PVT1: variants seen among roughly 807,000 people sequenced by gnomAD.
PVT1 encodes the protein CXCR4/PVT1 fusion.
At position 127,980,772 on chromosome 8, in the gene PVT1, T is replaced by C. The variant is rs563295916; in HGVS notation, n.783-8390T>C. On this transcript the variant is annotated intron_variant and non_coding_transcript_variant, in intron 3 of 10. Transcript: ENST00000651587. ...AAAAATATATTTTCTCCTCTGTGAGTCACCAAAAACTACAGCTTCTTTTTT... is the reference window on the plus strand; with the variant it reads ...AAAAATATATTTTCTCCTCTGTGAGCCACCAAAAACTACAGCTTCTTTTTT... Among the ~76,000 whole-genome samples the C allele has an allele frequency of 2.0e-5, 3 of 149,958 alleles. No homozygotes were observed. In the Admixed American group the frequency reaches 2.0e-4, roughly 10 times the overall value.
chr8:127,995,793 A>G (rs772362532), intron 4 of PVT1, among the ~76,000 whole-genome samples: 57 of 152,368 alleles, frequency 3.7e-4, no homozygotes, highest in Non-Finnish European at 7.3e-4. Flanking sequence ...ACCTGCCAGG[A>G]AATGGAAATG....
intron 3 of PVT1, among the ~76,000 whole-genome samples, chr8:127,970,258 C>CATTCACAT (rs201297121): frequency 0.025 from 3,622 of 143,866 alleles, 75 homozygotes; most frequent in African/African-American, 0.042. Context: ...GTTTTGTCCG[C>CATTCACAT]ATTCACATTC....
intron 4 of PVT1, among the ~76,000 whole-genome samples, chr8:128,016,967 C>G (rs1262309968): frequency 6.6e-6 from 1 of 152,188 alleles, no homozygotes; most frequent in Non-Finnish European, 1.5e-5. Context: ...AAGAGTATGG[C>G]TTGAGCCCAG....
intron 4 of PVT1, among the ~76,000 whole-genome samples, chr8:128,005,962 A>G (rs1817241513): frequency 6.6e-6 from 1 of 151,826 alleles, no homozygotes; most frequent in African/African-American, 2.4e-5. Context: ...AATTAGCCAG[A>G]TGTGGTAGTG....
At chr8:127,931,473 G>A (rs949517035) in intron 3 of PVT1, among the ~76,000 whole-genome samples, 1 of 152,220 alleles carries the variant, frequency 6.6e-6, no homozygotes, top group Non-Finnish European at 1.5e-5. Context: ...TTTGTGCAAA[G>A]CATTGTTCTG....
chr8:128,006,581 T>C (rs1817250058), intron 4 of PVT1, among the ~76,000 whole-genome samples: 1 of 152,238 alleles, frequency 6.6e-6, no homozygotes, highest in Non-Finnish European at 1.5e-5. Context: ...TTCACCAAAC[T>C]AATTTTAGCA....
At chr8:127,795,365 A>G (rs1245437584) in intron 1 of PVT1, among the ~76,000 whole-genome samples, 1 of 152,134 alleles carries the variant, frequency 6.6e-6, no homozygotes, top group East Asian at 1.9e-4. Flanking sequence ...ACTTTCAGGA[A>G]GCACAGCCAT....
chr8:127,824,953 C>T (rs1273232953), intron 2 of PVT1, among the ~76,000 whole-genome samples: 1 of 151,906 alleles, frequency 6.6e-6, no homozygotes. Flanking sequence ...AACCGCATCT[C>T]CACTCAAAAT....
intron 2 of PVT1, among the ~76,000 whole-genome samples, chr8:127,820,948 A>T (rs1814721260): frequency 6.6e-6 from 1 of 152,076 alleles, no homozygotes; most frequent in Non-Finnish European, 1.5e-5. Flanking sequence ...GCCTCAAGTG[A>T]TCCGCCCGCC....
intron 2 of PVT1, among the ~76,000 whole-genome samples, chr8:127,882,897 T>C (rs1815484917): frequency 6.6e-6 from 1 of 152,132 alleles, no homozygotes; most frequent in South Asian, 2.1e-4. Context: ...ATTGACCGGG[T>C]CTCAGAGGTG....
At chr8:128,017,068 C>G (rs2033099) in intron 4 of PVT1, among the ~76,000 whole-genome samples, 12,223 of 152,168 alleles carry the variant, frequency 0.08, 835 homozygotes, top group East Asian at 0.22. Flanking sequence ...CAGAGAGGGG[C>G]TCTTGGAGAT....
At chr8:127,897,939 A>G (rs1815706762) in intron 3 of PVT1, among the ~76,000 whole-genome samples, 1 of 151,486 alleles carries the variant, frequency 6.6e-6, no homozygotes, top group Admixed American at 6.6e-5. Flanking sequence ...AAAGAAAGAA[A>G]GAAAAGGGAA....
chr8:127,891,563 A>T (rs1815602773), intron 3 of PVT1, among the ~76,000 whole-genome samples: 1 of 152,212 alleles, frequency 6.6e-6, no homozygotes, highest in African/African-American at 2.4e-5. Context: ...CCTGCAGTGA[A>T]GGGTTAAGTA....
At chr8:127,848,015 G>A (rs562770357) in intron 2 of PVT1, among the ~76,000 whole-genome samples, 7 of 152,210 alleles carry the variant, frequency 4.6e-5, no homozygotes, top group South Asian at 4.1e-4. Flanking sequence ...TCTTGATTGC[G>A]TATCTTTGGG....
intron 4 of PVT1, among the ~76,000 whole-genome samples, chr8:128,037,892 T>C (rs563330103): frequency 2.6e-4 from 40 of 152,254 alleles, no homozygotes; most frequent in African/African-American, 9.6e-4. Flanking sequence ...GTTCCCAACA[T>C]TTGCTATACC....
intron 2 of PVT1, among the ~76,000 whole-genome samples, chr8:127,829,906 C>T (rs1385034279): frequency 6.6e-6 from 1 of 152,200 alleles, no homozygotes; most frequent in Non-Finnish European, 1.5e-5. Context: ...ATAATCTCTT[C>T]TTGCCTCCTC....
At chr8:127,853,649 T>G (rs201325612) in intron 2 of PVT1, among the ~76,000 whole-genome samples, 2 of 151,806 alleles carry the variant, frequency 1.3e-5, no homozygotes, top group East Asian at 3.9e-4. Context: ...GGTGTGGTGG[T>G]GGGTGCCTGT....
At chr8:127,914,297 A>G (rs1006547548) in intron 3 of PVT1, among the ~76,000 whole-genome samples, 1 of 143,354 alleles carries the variant, frequency 7.0e-6, no homozygotes, top group Admixed American at 6.9e-5. Context: ...AAAAAAAAAA[A>G]AAAGGCAGAA....
chr8:127,919,907 A>G (rs1404584222), intron 3 of PVT1, among the ~76,000 whole-genome samples: 2 of 152,176 alleles, frequency 1.3e-5, no homozygotes, highest in East Asian at 3.9e-4. Context: ...TCGCAGCGGT[A>G]GGCAGGTGCA....
Sources: gnomAD v4.1 joint callset for allele counts (sites outside exome capture counted in the v4.1 genomes callset) on GRCh38, gnomAD v4.1.1 for gene constraint, MANE v1.5 for transcripts, NCBI Gene and HGNC (gene_info 2026-07-23, HGNC 2026-07-21) for gene names.